The following WNT3A variants were observed in gnomAD, a reference collection of about 807,000 sequenced individuals.
The protein encoded by WNT3A is protein Wnt-3a.
A neutral mutation model predicts 37.0 loss-of-function variants in WNT3A; 17 were observed. The ratio of observed to expected loss-of-function variants is 0.46; its 90% confidence interval spans 0.31 to 0.69. WNT3A has a LOEUF of 0.69. Among genes scored for constraint, WNT3A ranks in the 30% least tolerant of loss-of-function variants. WNT3A has a pLI of 0.05. For missense variants in WNT3A, 411 were observed against 510.2 expected, an observed-to-expected ratio of 0.81 and a Z score of 1.87; for synonymous variants, 187 against 211.0, an observed-to-expected ratio of 0.89 and a Z score of 0.99.
chr1:228,043,466 G>C (rs1333254824), intron 2 of WNT3A, among the ~76,000 whole-genome samples: 1 of 152,240 alleles, frequency 6.6e-6, no homozygotes, highest in Non-Finnish European at 1.5e-5. Flanking sequence ...TTTTCCTGCT[G>C]ACTGGGATGA....
rs758816480 is a variant in WNT3A at position 228,022,733 on chromosome 1, G to A, written c.138G>A (p.Pro46=). The part of the protein sequence containing the change: ...GSQPILCASI[P]GLVPKQLRFC... ...AGCCCATCCTGTGTGCCAGCATCCC[G>A]GGCCTGGTCCCCAAGCAGCTCCGCT... The change falls in exon 2 of 4, where the codon CCG becomes CCA. Residue 46 remains proline (P), a synonymous_variant. Transcript: ENST00000284523. 11 of 1,614,100 alleles carry A rather than the reference G, an allele frequency of 6.8e-6. No individual in the cohort carries two copies. Among genetic ancestry groups the A allele is most frequent in the South Asian group, 3.3e-5 (3 of 91,084 alleles).
At chr1:228,015,757 G>A (rs542965810) in intron 1 of WNT3A, among the ~76,000 whole-genome samples, 14 of 148,922 alleles carry the variant, frequency 9.4e-5, no homozygotes, top group Admixed American at 3.4e-4. Flanking sequence ...TTGTGTGAGT[G>A]ATCCTCAGCA....
chr1:228,060,317 C>T lies in WNT3A; in HGVS notation c.*852C>T. On this transcript the variant is annotated 3_prime_UTR_variant, in exon 4 of 4. Coordinates refer to ENST00000284523, the MANE Select transcript of WNT3A (RefSeq NM_033131.4). Reference sequence around the variant, plus strand: ...GAAGGTTCCATGAAGCGAGTCGGGTCCCCAACCCGTGCCCCTGGGATCCGA... The same window carrying T: ...GAAGGTTCCATGAAGCGAGTCGGGTTCCCAACCCGTGCCCCTGGGATCCGA... 4 of 1,348,188 alleles carry T rather than the reference C, an allele frequency of 3.0e-6. No homozygotes were observed. The highest frequency in any genetic ancestry group is 1.5e-5 in the African/African-American group (1 of 67,764). 83.5% of individuals were successfully genotyped at this position (1,348,188 alleles called of 1,614,324 possible).
chr1:228,060,322 A>G lies in WNT3A; in HGVS notation c.*857A>G, dbSNP rs780914946. The G allele has an allele frequency of 3.0e-6, 4 of 1,346,350 alleles. No homozygotes were observed. The highest frequency in any genetic ancestry group is 2.9e-6 in the Non-Finnish European group (3 of 1,017,058). The allele number at this position is 1,346,350 out of a possible 1,614,324, so 83.4% of individuals were successfully genotyped here. On this transcript the variant is annotated 3_prime_UTR_variant, in exon 4 of 4. Transcript: ENST00000284523. ...TTCCATGAAGCGAGTCGGGTCCCCA[A>G]CCCGTGCCCCTGGGATCCGAGGGCC...
chr1:228,025,120 AG>A (rs1197827133), intron 2 of WNT3A, among the ~76,000 whole-genome samples: 2 of 152,160 alleles, frequency 1.3e-5, no homozygotes, highest in Non-Finnish European at 2.9e-5. Flanking sequence ...TGGGGGGGAC[AG>A]GAAAAAAGAT....
At position 228,031,893 on chromosome 1, in the gene WNT3A, T is replaced by C. The variant is rs1178636262; in HGVS notation, c.313+8985T>C. 6.6e-6 allele frequency among the ~76,000 whole-genome samples: 1 copy of C among 151,928 alleles called. No homozygotes were observed. Among genetic ancestry groups the C allele is most frequent in the Non-Finnish European group, 1.5e-5 (1 of 67,964 alleles). On this transcript the variant is annotated intron_variant, in intron 2 of 3. Transcript: ENST00000284523. The surrounding 1 kb of genome is among the most constrained non-coding windows in gnomAD (Gnocchi z 4.8). ...TGCTGGCTCCAGAGCCAGGATGGGG[T>C]GCTTAGGGCTGCCACTCCCCCTCTG...
chr1:228,032,884 C>A (rs1030877938), intron 2 of WNT3A, among the ~76,000 whole-genome samples: 2 of 152,224 alleles, frequency 1.3e-5, no homozygotes, highest in Non-Finnish European at 2.9e-5. Flanking sequence ...GGGTGTGAAG[C>A]AATGTCTCAC....
intron 3 of WNT3A, among the ~76,000 whole-genome samples, chr1:228,057,473 G>A (rs2031704323): frequency 6.6e-6 from 1 of 152,194 alleles, no homozygotes; most frequent in Admixed American, 6.5e-5. Context: ...ACTCTTCCAA[G>A]TAAGCACCTA....
At chr1:228,051,262 C>T (rs757148032) in intron 3 of WNT3A, among the ~76,000 whole-genome samples, 1 of 151,980 alleles carries the variant, frequency 6.6e-6, no homozygotes, top group Non-Finnish European at 1.5e-5. Context: ...AATGCAGGCA[C>T]ACAAGGTGAC....
At chr1:228,044,768 A>C (rs559997067) in intron 2 of WNT3A, among the ~76,000 whole-genome samples, 1 of 152,362 alleles carries the variant, frequency 6.6e-6, no homozygotes, top group South Asian at 2.1e-4. Flanking sequence ...GGAACCGCTT[A>C]GAGACCTTGT....
chr1:228,011,559 C>T (rs557457863), intron 1 of WNT3A, among the ~76,000 whole-genome samples: 7 of 152,166 alleles, frequency 4.6e-5, no homozygotes, highest in Non-Finnish European at 7.4e-5. Context: ...TGTCTCTGCC[C>T]GTCTCTGTCT....
In WNT3A at chr1:228,007,333, G is replaced by C; in HGVS notation, c.71+134G>C. ...CAGCCCCGCGTGCGGGCCGCGGGCGGTTGGTTTTCCTTGACGGCCACTTTG... is the reference window on the plus strand; with the variant it reads ...CAGCCCCGCGTGCGGGCCGCGGGCGCTTGGTTTTCCTTGACGGCCACTTTG... On this transcript the variant is annotated intron_variant, in intron 1 of 3. Coordinates refer to ENST00000284523, the MANE Select transcript of WNT3A (RefSeq NM_033131.4). This position sits in a 1 kb window ranked among gnomAD's most constrained non-coding sequence, Gnocchi z 6.0. 1.1e-6 allele frequency: 1 copy of C among 881,768 alleles called. No individual in the cohort carries two copies. The highest frequency in any genetic ancestry group is 2.2e-5 in the South Asian group (1 of 46,464). 54.6% of individuals were successfully genotyped at this position (881,768 alleles called of 1,614,324 possible).
At chr1:228,019,919 C>T in intron 1 of WNT3A, among the ~76,000 whole-genome samples, 1 of 152,180 alleles carries the variant, frequency 6.6e-6, no homozygotes, top group Non-Finnish European at 1.5e-5. Flanking sequence ...ACCACCTCAC[C>T]CTGGCTTAAA....
At chr1:228,056,219 C>T (rs1571817459) in intron 3 of WNT3A, among the ~76,000 whole-genome samples, 3 of 152,250 alleles carry the variant, frequency 2.0e-5, no homozygotes, top group African/African-American at 7.2e-5. Context: ...TTTTTAAATA[C>T]GAGCAGACAG....
At chr1:228,013,383 G>A (rs2030433879) in intron 1 of WNT3A, among the ~76,000 whole-genome samples, 2 of 152,174 alleles carry the variant, frequency 1.3e-5, no homozygotes, top group South Asian at 4.1e-4. Context: ...TGACACCCTG[G>A]AGGTGTCTCT....
chr1:228,059,326 G>A lies in WNT3A; in HGVS notation c.920G>A (p.Cys307Tyr). The A allele has an allele frequency of 6.4e-7, 1 of 1,573,128 alleles. No individual in the cohort carries two copies. Residue 307 changes from cysteine to tyrosine, a missense_variant, in exon 4 of 4, where the codon TGC becomes TAC. By Grantham distance (194) the Cys-to-Tyr change is radical (BLOSUM62 -2). Transcript: ENST00000284523. The stretch of plus-strand genomic sequence containing the variant: ...GTCAGCTCGCACGGCATCGACGGCT[G>A]CGACCTGCTGTGCTGCGGCCGCGGC... Reference protein sequence around the residue: ...CNVSSHGIDGCDLLCCGRGHN... With the variant: ...CNVSSHGIDGYDLLCCGRGHN...
Position 228,059,027 on chromosome 1 carries a change from G to T in WNT3A, c.621G>T (p.Gly207=). ...SHMHLKCKCH[G]LSGSCEVKTC... ...TGCACCTCAAGTGCAAGTGCCACGG[G>T]CTGTCGGGCAGCTGCGAGGTGAAGA... Residue 207 remains glycine, a synonymous_variant, in exon 4 of 4, where the codon GGG becomes GGT. Coordinates refer to ENST00000284523, the MANE Select transcript of WNT3A (RefSeq NM_033131.4). The T allele has an allele frequency of 6.2e-7, 1 of 1,613,272 alleles. No homozygotes were observed. The highest frequency in any genetic ancestry group is 8.5e-7 in the Non-Finnish European group (1 of 1,179,926).
chr1:228,007,781 G>A lies in WNT3A; in HGVS notation c.71+582G>A, dbSNP rs1034991159. Among the ~76,000 whole-genome samples, 1 of 146,504 alleles carries A rather than the reference G, an allele frequency of 6.8e-6. No individual in the cohort carries two copies. The highest frequency in any genetic ancestry group is 1.5e-5 in the Non-Finnish European group (1 of 66,818). ...GGCCCTGGGCCCCGCGCGCCTCCCC[G>A]CCGCAGTCCGGGCACGGGGGTTTCC... is the stretch of plus-strand genomic sequence containing the variant. On this transcript the variant is annotated intron_variant, in intron 1 of 3. Transcript: ENST00000284523. This position sits in a 1 kb window ranked among gnomAD's most constrained non-coding sequence, Gnocchi z 6.0.
Position 228,059,686 on chromosome 1 carries a change from T to C in WNT3A, c.*221T>C. ...CTCTGGTGGCTGGGCTGCTCCTGAA[T>C]GAGGCGGAGCTCCAGGATGGGGAGG... On this transcript the variant is annotated 3_prime_UTR_variant, in exon 4 of 4. Coordinates refer to ENST00000284523, the MANE Select transcript of WNT3A (RefSeq NM_033131.4). 2 of 1,343,888 alleles carry C rather than the reference T, an allele frequency of 1.5e-6. No homozygotes were observed. The highest frequency in any genetic ancestry group is 7.5e-5 in the Admixed American group (2 of 26,824). 83.2% of individuals were successfully genotyped at this position (1,343,888 alleles called of 1,614,324 possible).
Sources: allele counts gnomAD v4.1 joint callset (sites outside exome capture counted in the v4.1 genomes callset), GRCh38; gene constraint gnomAD v4.1.1; non-coding constraint Gnocchi (gnomAD v3.1); transcripts MANE v1.5; gene names NCBI Gene and HGNC (gene_info 2026-07-23, HGNC 2026-07-21).